LPIN3: variants seen among roughly 807,000 people sequenced by gnomAD.
The protein encoded by LPIN3 is lipin 3.
Under a neutral mutation model 94.7 loss-of-function variants are expected in LPIN3, and 82 were observed. The ratio of observed to expected loss-of-function variants is 0.87; its 90% CI spans 0.72 to 1.04. LPIN3 has a LOEUF of 1.04. Among genes scored for constraint, LPIN3 ranks in the 50% least tolerant of loss-of-function variants. The pLI is 0.00. For synonymous variants in LPIN3, 418 were observed against 443.3 expected (o/e 0.94, Z 0.72); for missense variants, 996 against 1,090.5 (o/e 0.91, Z 1.22).
intron 11 of LPIN3, 131 bp downstream of exon 11, chr20:41,352,998 T>C (rs1201045137): frequency 3.3e-5 from 33 of 1,009,482 alleles, no homozygotes. Context: ...GCTGCAAGAC[T>C]CACTCTGGGA....
intron 7 of LPIN3, 47 bp downstream of exon 7, chr20:41,350,444 T>C (rs2045968656): frequency 6.9e-7 from 1 of 1,443,758 alleles, no homozygotes; most frequent in African/African-American, 1.4e-5. Flanking sequence ...CCTCGCTCTG[T>C]CCCCTGGGTG....
chr20:41,352,017 G>A (rs775975282), intron 8 of LPIN3, 43 bp from the exon 9 acceptor site: 19 of 1,613,386 alleles, frequency 1.2e-5, no homozygotes, highest in South Asian at 3.3e-5. Context: ...CCCATCTCCC[G>A]CCCTCCTCGT....
chr20:41,349,642 T>C, intron 5 of LPIN3, 132 bp from the exon 6 acceptor site: 1 of 1,125,504 alleles, frequency 8.9e-7, no homozygotes, highest in Non-Finnish European at 1.2e-6. Context: ...TTTAGATCTT[T>C]ACATATTCCT....
At position 41,345,854 on chromosome 20, in the gene LPIN3, G is replaced by A. The variant is rs1404058794; in HGVS notation, c.51G>A (p.Glu17=). 2.5e-6 allele frequency: 4 copies of A among 1,614,118 alleles called. No individual in the cohort carries two copies. The highest frequency in any genetic ancestry group is 1.3e-5 in the African/African-American group (1 of 74,944). ...AGACGGTGTTTGGGACGGTGAAGGAGCTGTACCGGGGCCTGAACCCAGCCA... is the reference window on the plus strand; with the variant it reads ...AGACGGTGTTTGGGACGGTGAAGGAACTGTACCGGGGCCTGAACCCAGCCA... ...LAETVFGTVK[E]LYRGLNPATL... is the part of the protein sequence containing the mutation. Residue 17 remains glutamate (E), a synonymous_variant, in exon 2 of 20, where the codon GAG becomes GAA. Coordinates refer to ENST00000373257, the MANE Select transcript of LPIN3 (RefSeq NM_022896.3).
chr20:41,354,460 C>T (rs937721596), intron 11 of LPIN3, among the ~76,000 whole-genome samples, 185 bp from the exon 12 acceptor site: 1 of 152,198 alleles, frequency 6.6e-6, no homozygotes, highest in African/African-American at 2.4e-5. Context: ...TATAGCTCAC[C>T]CAAGTCATTG....
rs1406290794 is a variant in LPIN3, at chr20:41,351,895, A to G, written c.1177A>G (p.Asn393Asp). The change falls in exon 8 of 20, where the codon AAT becomes GAT. Residue 393 changes from asparagine (N) to aspartate (D), a missense_variant. By Grantham distance (23) the Asn-to-Asp change is conservative. Transcript: ENST00000373257. ...TGACTTGCCCTCCCTGGACTCTGAGAATGCAGCGCTTTACTTCCCCCAAAG... is the reference window on the plus strand; with the variant it reads ...TGACTTGCCCTCCCTGGACTCTGAGGATGCAGCGCTTTACTTCCCCCAAAG... ...LDDLPSLDSENAALYFPQSDS... is the reference protein window; with the variant it reads ...LDDLPSLDSEDAALYFPQSDS... 2 of 1,614,182 alleles carry G rather than the reference A, an allele frequency of 1.2e-6. No individual in the cohort carries two copies. Among genetic ancestry groups the G allele is most frequent in the Non-Finnish European group, 1.7e-6 (2 of 1,180,018 alleles).
At position 41,357,933 on chromosome 20, in the gene LPIN3, C is replaced by T; in HGVS notation, c.2091C>T (p.Asp697=). 1.2e-6 allele frequency: 2 copies of T among 1,614,098 alleles called. No individual in the cohort carries two copies. The highest frequency in any genetic ancestry group is 1.7e-6 in the Non-Finnish European group (2 of 1,180,008). ...YCSARAIGMA[D]LTKGYLQWVS... Reference sequence around the variant, plus strand: ...CGGCGCGGGCCATTGGCATGGCGGACCTCACCAAGGGGTACCTGCAGTGGG... The same window carrying T: ...CGGCGCGGGCCATTGGCATGGCGGATCTCACCAAGGGGTACCTGCAGTGGG... Residue 697 remains aspartate, a synonymous_variant, in exon 17 of 20, where the codon GAC becomes GAT. Coordinates refer to ENST00000373257, the MANE Select transcript of LPIN3 (RefSeq NM_022896.3).
In LPIN3 at chr20:41,359,072, T is replaced by TGAGCAAAAG. The variant is rs1363385067; in HGVS notation, c.*207_*208insAGCAAAAGG. ...AAGCTGCAGCTGCTCCAGGCGTCAG[T>TGAGCAAAAG]GTGGCACTGTCCTGGGGCAATTAGC... On this transcript the variant is annotated 3_prime_UTR_variant, in exon 20 of 20. Coordinates refer to ENST00000373257, the MANE Select transcript of LPIN3 (RefSeq NM_022896.3). 9.1e-6 allele frequency: 5 copies of TGAGCAAAAG among 550,544 alleles called. No individual in the cohort carries two copies. The allele number at this position is 550,544 out of a possible 1,614,324, so 34.1% of individuals were successfully genotyped here.
chr20:41,358,277 T>G lies in LPIN3; in HGVS notation c.2233T>G (p.Cys745Gly). Residue 745 changes from cysteine to glycine, a missense_variant, in exon 18 of 20, where the codon TGC becomes GGC. Transcript: ENST00000373257. ...EKKPEVFKVA[C>G]LSDIQQLFLP... ...GAAACCAGAGGTGTTCAAGGTCGCC[T>G]GCCTGAGTGACATCCAGCAGCTGTT... 6.2e-7 allele frequency: 1 copy of G among 1,614,178 alleles called. No individual in the cohort carries two copies. Among genetic ancestry groups the G allele is most frequent in the Admixed American group, 1.7e-5 (1 of 60,028 alleles).
intron 13 of LPIN3, among the ~76,000 whole-genome samples, chr20:41,355,680 C>T (rs1006318132): frequency 2.0e-5 from 3 of 152,166 alleles, no homozygotes; most frequent in African/African-American, 4.8e-5. Flanking sequence ...CCCTGGGTCT[C>T]GGCACCCTCT....
At chr20:41,348,415 C>G (rs2045865897) in intron 3 of LPIN3, among the ~76,000 whole-genome samples, 1 of 152,200 alleles carries the variant, frequency 6.6e-6, no homozygotes, top group African/African-American at 2.4e-5. Context: ...TCTGCCTGGC[C>G]TGCCAGGGTG....
In LPIN3 at chr20:41,348,622, C is replaced by T; in HGVS notation, c.292C>T (p.His98Tyr). Residue 98 changes from histidine to tyrosine, a missense_variant, in exon 4 of 20, where the codon CAT becomes TAT. Transcript: ENST00000373257. ...FVQELESDDE[H>Y]VPPGLCTSPI... ...CAGTTCTTGGTCTGTTCCACAGGAA[C>T]ATGTGCCTCCCGGCCTGTGCACCTC... 6.2e-7 allele frequency: 1 copy of T among 1,605,744 alleles called. No individual in the cohort carries two copies. Among genetic ancestry groups the T allele is most frequent in the Non-Finnish European group, 8.5e-7 (1 of 1,174,712 alleles).
chr20:41,357,920 T>C lies in LPIN3; in HGVS notation c.2078T>C (p.Ile693Thr), dbSNP rs747504026. The change falls in exon 17 of 20, where the codon ATT (isoleucine) becomes ACT (threonine). Residue 693 changes from isoleucine to threonine, a missense_variant. Transcript: ENST00000373257. The part of the protein sequence containing the change: ...YKFLYCSARA[I>T]GMADLTKGYL... ...TTCCTGTACTGCTCGGCGCGGGCCA[T>C]TGGCATGGCGGACCTCACCAAGGGG... 17 of 1,613,982 alleles carry C rather than the reference T, an allele frequency of 1.1e-5. No individual in the cohort carries two copies. Among genetic ancestry groups the C allele is most frequent in the East Asian group, 2.2e-5 (1 of 44,892 alleles).
chr20:41,343,933 A>C (rs902749766), intron 1 of LPIN3, among the ~76,000 whole-genome samples: 13 of 152,250 alleles, frequency 8.5e-5, no homozygotes, highest in Middle Eastern at 6.8e-3. Context: ...ATGGTGGTAC[A>C]TGCCTGTAGT....
chr20:41,348,886 G>A lies in LPIN3; in HGVS notation c.556G>A (p.Gly186Ser). 1 of 1,601,908 alleles carries A rather than the reference G, an allele frequency of 6.2e-7. No individual in the cohort carries two copies. The highest frequency in any genetic ancestry group is 1.3e-5 in the African/African-American group (1 of 74,824). Residue 186 changes from glycine to serine, a missense_variant and splice_region_variant, in exon 4 of 20, where the codon GGT (glycine) becomes AGT (serine). Physicochemically the swap from Gly to Ser is moderately conservative, Grantham distance 56 (BLOSUM62 0). Coordinates refer to ENST00000373257, the MANE Select transcript of LPIN3 (RefSeq NM_022896.3). Reference sequence around the variant, plus strand: ...GGAAAAGCTGAGGCCAGAGCCCCCAGGGTGTGTAAGGACCAAGGGACTTGA... The same window carrying A: ...GGAAAAGCTGAGGCCAGAGCCCCCAAGGTGTGTAAGGACCAAGGGACTTGA... The part of the protein sequence containing the change: ...LPEKLRPEPP[G>S]VQLEEKSSLQ...
chr20:41,349,434 C>T (rs2045917530), intron 5 of LPIN3, among the ~76,000 whole-genome samples: 1 of 152,142 alleles, frequency 6.6e-6, no homozygotes. Flanking sequence ...GAATGACCAT[C>T]ACCACTATCT....
chr20:41,347,641 C>T lies in LPIN3; in HGVS notation c.282C>T (p.Ser94=), dbSNP rs773502289. 1.9e-5 allele frequency: 30 copies of T among 1,612,900 alleles called. No individual in the cohort carries two copies. Among genetic ancestry groups the T allele is most frequent in the South Asian group, 4.4e-5 (4 of 90,928 alleles). Reference sequence around the variant, plus strand: ...CCTTCTTTGTTCAGGAGCTGGAGAGCGATGATGTGAGTCTGCCCTCCTAAC... The same window carrying T: ...CCTTCTTTGTTCAGGAGCTGGAGAGTGATGATGTGAGTCTGCCCTCCTAAC... ...GEAFFVQELE[S]DDEHVPPGLC... The change falls in exon 3 of 20, where the codon AGC becomes AGT. Residue 94 remains serine (S), a synonymous_variant. Coordinates refer to ENST00000373257, the MANE Select transcript of LPIN3 (RefSeq NM_022896.3).
intron 14 of LPIN3, among the ~76,000 whole-genome samples, chr20:41,356,338 A>G (rs1177667757): frequency 6.6e-6 from 1 of 152,208 alleles, no homozygotes; most frequent in Non-Finnish European, 1.5e-5. Flanking sequence ...AACACTAAAA[A>G]GAATCAAATG....
At position 41,354,872 on chromosome 20, in the gene LPIN3, G is replaced by T. The variant is rs747503992; in HGVS notation, c.1664+9G>T. On this transcript the variant is annotated intron_variant, in intron 13 of 19. Transcript: ENST00000373257. ...GCCAAGGAGCAGCAGGGGTGAGTGA[G>T]ACCCCCTATTGGGGCTCTGCAGGGG... 7.1e-6 allele frequency: 11 copies of T among 1,556,028 alleles called. No homozygotes were observed. The highest frequency in any genetic ancestry group is 2.6e-6 in the Non-Finnish European group (3 of 1,149,788).
Sources: allele counts gnomAD v4.1 joint callset (sites outside exome capture counted in the v4.1 genomes callset), GRCh38; gene constraint gnomAD v4.1.1; transcripts MANE v1.5; gene names NCBI Gene and HGNC (gene_info 2026-07-23, HGNC 2026-07-21).